TMEM74: variants seen among roughly 807,000 people sequenced by gnomAD.
The protein encoded by TMEM74 is transmembrane protein 74.
TMEM74 carries 13 observed loss-of-function variants against 18.1 expected under a neutral mutation model. The ratio of observed to expected loss-of-function variants is 0.72; its 90% CI spans 0.47 to 1.14. The LOEUF (loss-of-function observed/expected upper bound fraction) is 1.14, where lower values mean the gene tolerates loss of function less well. Among genes scored for constraint, TMEM74 ranks in the 50% most tolerant of loss-of-function variants. TMEM74 has a pLI of 0.00. For synonymous variants in TMEM74, 159 were observed against 146.6 expected, an observed-to-expected ratio of 1.08 and a Z score of -0.61; for missense variants, 372 against 375.9, an observed-to-expected ratio of 0.99 and a Z score of 0.09.
chr8:108,758,477 G>C (rs979284935), intron 1 of TMEM74, among the ~76,000 whole-genome samples: 2 of 152,034 alleles, frequency 1.3e-5, no homozygotes, highest in Admixed American at 6.6e-5. Flanking sequence ...AAAAAGATGT[G>C]CAATCACGTT....
intron 1 of TMEM74, among the ~76,000 whole-genome samples, chr8:108,720,175 C>T (rs1170170437): frequency 7.1e-6 from 1 of 140,116 alleles, no homozygotes; most frequent in Non-Finnish European, 1.5e-5. Flanking sequence ...GACCAGCTGT[C>T]CCCAAATTTT....
intron 1 of TMEM74, among the ~76,000 whole-genome samples, chr8:108,711,376 C>G (rs1813473656): frequency 6.6e-6 from 1 of 152,094 alleles, no homozygotes. Flanking sequence ...ACTTTTATTC[C>G]AAAACACTCT....
At chr8:108,786,864 C>A (rs1487899523) in intron 1 of TMEM74, among the ~76,000 whole-genome samples, 1 of 152,110 alleles carries the variant, frequency 6.6e-6, no homozygotes, top group Non-Finnish European at 1.5e-5. Context: ...AGAGAGAAAT[C>A]CCCACTTAAT....
chr8:108,646,581 G>C (rs145712857), intron 2 of TMEM74, among the ~76,000 whole-genome samples: 3 of 152,180 alleles, frequency 2.0e-5, no homozygotes, highest in African/African-American at 7.2e-5. Context: ...TTGGAATTCA[G>C]AATCTTTCTC....
Position 108,724,492 on chromosome 8 carries a change from C to T in TMEM74, n.119+62984G>A, listed in dbSNP as rs531754917. Among the ~76,000 whole-genome samples the T allele has an allele frequency of 1.2e-4, 18 of 152,096 alleles. No individual in the cohort carries two copies. The South Asian group carries it at 3.5e-3, about 30-fold the overall frequency. On this transcript the variant is annotated intron_variant and non_coding_transcript_variant, in intron 1 of 3. Transcript: ENST00000518838. ...CATTTTTGAGTCTGTGGGATGATGC[C>T]AGTGATGATAATGGTGGTAATTAAA...
chr8:108,677,967 A>G (rs1332494563), intron 1 of TMEM74, among the ~76,000 whole-genome samples: 4 of 152,122 alleles, frequency 2.6e-5, no homozygotes, highest in South Asian at 2.1e-4. Flanking sequence ...TGACATCCCA[A>G]TTTACCATAG....
chr8:108,630,747 T>A (rs1812542999), intron 2 of TMEM74, among the ~76,000 whole-genome samples: 1 of 151,988 alleles, frequency 6.6e-6, no homozygotes, highest in Admixed American at 6.6e-5. Context: ...ATAATGAAAT[T>A]AAGGCAGAAA....
chr8:108,766,283 G>T (rs1052559438), intron 1 of TMEM74, among the ~76,000 whole-genome samples: 4 of 151,632 alleles, frequency 2.6e-5, no homozygotes, highest in African/African-American at 4.9e-5. Context: ...GAGAGCTGAA[G>T]TATTGAGTTA....
intron 1 of TMEM74, among the ~76,000 whole-genome samples, chr8:108,656,041 C>A (rs1425990438): frequency 2.0e-5 from 3 of 152,174 alleles, no homozygotes; most frequent in Non-Finnish European, 2.9e-5. Flanking sequence ...CTGATAGGGG[C>A]CAGAAGTGCT....
intron 1 of TMEM74, among the ~76,000 whole-genome samples, chr8:108,764,345 AC>A (rs1361476390): frequency 1.3e-5 from 2 of 152,194 alleles, no homozygotes; most frequent in African/African-American, 4.8e-5. Flanking sequence ...TAAAACTAAA[AC>A]AAACAAAAAC....
intron 1 of TMEM74, among the ~76,000 whole-genome samples, chr8:108,703,077 C>T (rs1813352868): frequency 6.6e-6 from 1 of 152,126 alleles, no homozygotes; most frequent in Non-Finnish European, 1.5e-5. Flanking sequence ...AATAATCCCT[C>T]TAGGCTTCAT....
intron 1 of TMEM74, among the ~76,000 whole-genome samples, chr8:108,770,358 C>T (rs944779755): frequency 6.6e-6 from 1 of 152,178 alleles, no homozygotes; most frequent in Non-Finnish European, 1.5e-5. Flanking sequence ...ACAACAAAAA[C>T]TTCCCAGAAT....
chr8:108,742,776 A>G (rs1268068305), intron 1 of TMEM74, among the ~76,000 whole-genome samples: 1 of 152,050 alleles, frequency 6.6e-6, no homozygotes, highest in Admixed American at 6.6e-5. Context: ...GAAAGCCTGG[A>G]TTTTTCACTA....
rs374588553 is a variant in TMEM74, at chr8:108,696,200, G to A, written n.120-40763C>T. On this transcript the variant is annotated intron_variant and non_coding_transcript_variant, in intron 1 of 3. Transcript: ENST00000518838. The stretch of plus-strand genomic sequence containing the variant: ...TTGCCTAAGATGAGGCATTAAAGTG[G>A]TAATAGCTAATATTTTCCAGCACTT... Among the ~76,000 whole-genome samples the A allele has an allele frequency of 8.5e-5, 13 of 152,310 alleles. No individual in the cohort carries two copies. In the East Asian group the frequency reaches 1.9e-3, roughly 23 times the overall value.
chr8:108,642,651 A>T (rs996645457), intron 2 of TMEM74, among the ~76,000 whole-genome samples: 5 of 152,146 alleles, frequency 3.3e-5, no homozygotes, highest in Non-Finnish European at 7.4e-5. Context: ...CCACAAATAC[A>T]CTTTACTATC....
intron 1 of TMEM74, among the ~76,000 whole-genome samples, chr8:108,690,375 G>GC (rs902151911): frequency 1.4e-5 from 2 of 140,484 alleles, no homozygotes; most frequent in South Asian, 2.2e-4. Context: ...TTACAATACT[G>GC]TTTTTTTTTG....
chr8:108,708,472 C>T lies in TMEM74; in HGVS notation n.120-53035G>A, dbSNP rs141867442. On this transcript the variant is annotated intron_variant and non_coding_transcript_variant, in intron 1 of 3. Coordinates refer to the TMEM74 transcript ENST00000518838. The stretch of plus-strand genomic sequence containing the variant: ...TGAGGAATCACCACACTGCCTTTTG[C>T]AACGGCTGAACTAACTTATACTACC... Among the ~76,000 whole-genome samples the T allele has an allele frequency of 6.7e-3, 1,023 of 152,198 alleles. 23 individuals are homozygous for T. The highest frequency in any genetic ancestry group is 0.024 in the African/African-American group (994 of 41,524).
At chr8:108,761,547 C>G (rs1205891500) in intron 1 of TMEM74, among the ~76,000 whole-genome samples, 1 of 152,090 alleles carries the variant, frequency 6.6e-6, no homozygotes, top group Non-Finnish European at 1.5e-5. Context: ...AGGCTCTAAA[C>G]TGAGCCTCTT....
intron 1 of TMEM74, among the ~76,000 whole-genome samples, chr8:108,747,704 TC>T (rs1813863565): frequency 6.8e-6 from 1 of 147,742 alleles, no homozygotes; most frequent in African/African-American, 2.5e-5. Flanking sequence ...CCTGATCCTC[TC>T]CCACCTCCCA....
Sources: allele counts gnomAD v4.1 joint callset (sites outside exome capture counted in the v4.1 genomes callset), GRCh38; gene constraint gnomAD v4.1.1; transcripts MANE v1.5; gene names NCBI Gene and HGNC (gene_info 2026-07-23, HGNC 2026-07-21).